Variants in GBP5 observed in about 807,000 individuals in gnomAD.
GBP5 encodes guanylate-binding protein 5.
GBP5 carries 48 observed loss-of-function variants against 58.2 expected under a neutral mutation model. That is an observed-to-expected ratio of 0.83 (90% CI 0.65 to 1.05). The LOEUF is 1.05. Ranked by LOEUF, GBP5 falls within the 50% of genes least tolerant of loss-of-function variation. GBP5 has a pLI of 0.00. For missense variants in GBP5, 714 were observed against 686.8 expected, an observed-to-expected ratio of 1.04 and a Z score of -0.44; for synonymous variants, 248 against 251.8, an observed-to-expected ratio of 0.98 and a Z score of 0.14.
chr1:89,264,014 T>C, intron 8 of GBP5, 66 bp from the exon 9 acceptor site: 1 of 983,596 alleles, frequency 1.0e-6, no homozygotes, highest in Non-Finnish European at 1.6e-6. Context: ...GAAATAATTC[T>C]GAAAAAGAAT....
intron 3 of GBP5, 93 bp downstream of exon 3, chr1:89,269,270 ATCC>A: frequency 8.2e-7 from 1 of 1,225,238 alleles, no homozygotes; most frequent in Non-Finnish European, 1.2e-6. Flanking sequence ...TTTAATATTC[ATCC>A]TCATGTCTTA....
intron 6 of GBP5, 105 bp downstream of exon 6, chr1:89,266,852 A>AATAT: frequency 3.0e-6 from 2 of 656,916 alleles, no homozygotes; most frequent in Non-Finnish European, 2.4e-6. Context: ...GAGCTGGGTG[A>AATAT]ATATATATAT....
rs1410539402 is a variant in GBP5 at position 89,257,158 on chromosome 1, G to C, written c.*3546C>G. Among the ~76,000 whole-genome samples the C allele has an allele frequency of 6.6e-6, 1 of 152,168 alleles. No homozygotes were observed. Among genetic ancestry groups the C allele is most frequent in the African/African-American group, 2.4e-5 (1 of 41,424 alleles). On this transcript the variant is annotated 3_prime_UTR_variant, in exon 12 of 12. Coordinates refer to ENST00000370459, the MANE Select transcript of GBP5 (RefSeq NM_052942.5). The stretch of plus-strand genomic sequence containing the variant: ...AGACTGGGTAATTTATAAAGGAAAA[G>C]AGATGTAATGGACTTGTAGTTTCAC...
intron 6 of GBP5, among the ~76,000 whole-genome samples, 178 bp downstream of exon 6, chr1:89,266,779 C>T (rs1016553984): frequency 2.0e-5 from 3 of 151,818 alleles, no homozygotes; most frequent in African/African-American, 7.3e-5. Context: ...GAGGAAAATG[C>T]AATTTAATAT....
In GBP5 at chr1:89,272,771, G is replaced by A. The variant is rs1650513028; in HGVS notation, c.-447C>T. 1 of 152,892 alleles carries A rather than the reference G, an allele frequency of 6.5e-6. No homozygotes were observed. The highest frequency in any genetic ancestry group is 2.4e-5 in the African/African-American group (1 of 41,454). The allele number at this position is 152,892 out of a possible 1,614,324, so 9.5% of individuals were successfully genotyped here. On this transcript the variant is annotated 5_prime_UTR_variant, in exon 1 of 12. Transcript: ENST00000370459. ...CCCAGTGAGTGTTACAGCTCATAAA[G>A]GCAGTGTGGACCCAAAGAGTGAGCA...
At chr1:89,262,620 G>T in intron 10 of GBP5, 63 bp downstream of exon 10, 2 of 1,239,382 alleles carry the variant, frequency 1.6e-6, no homozygotes, top group Non-Finnish European at 2.3e-6. Flanking sequence ...TGAGGGCCAG[G>T]CCAAATTTAT....
chr1:89,259,274 G>A lies in GBP5; in HGVS notation c.*1430C>T, dbSNP rs943303982. The A allele has an allele frequency of 6.6e-6, 1 of 152,156 alleles. No individual in the cohort carries two copies. The allele number at this position is 152,156 out of a possible 1,614,324, so 9.4% of individuals were successfully genotyped here. On this transcript the variant is annotated 3_prime_UTR_variant, in exon 12 of 12. Transcript: ENST00000370459. ...GCTCTTGGTGAGGGTGAACAGAAAA[G>A]AAAAGGCTTCTTCTTTAGCCCTTAA... is the stretch of plus-strand genomic sequence containing the variant.
chr1:89,269,455 A>G lies in GBP5; in HGVS notation c.101T>C (p.Ile34Thr). 6.2e-7 allele frequency: 1 copy of G among 1,614,138 alleles called. No homozygotes were observed. The highest frequency in any genetic ancestry group is 8.5e-7 in the Non-Finnish European group (1 of 1,179,984). Residue 34 changes from isoleucine to threonine, a missense_variant, in exon 3 of 12, where the codon ATT becomes ACT. Coordinates refer to ENST00000370459, the MANE Select transcript of GBP5 (RefSeq NM_052942.5). ...NQEALEILSA[I>T]TQPVVVVAIV... ...CGCTACCACAACTACAGGTTGCGTA[A>G]TGGCAGACAGGATCTCCAAAGCTTC...
chr1:89,262,083 G>A, intron 11 of GBP5, 137 bp downstream of exon 11: 1 of 770,532 alleles, frequency 1.3e-6, no homozygotes, highest in Non-Finnish European at 2.2e-6. Context: ...AAGAGGTGGA[G>A]CTTGGATTCA....
Position 89,263,831 on chromosome 1 carries a change from C to T in GBP5, c.1267G>A (p.Gly423Arg), listed in dbSNP as rs1650105349. Residue 423 changes from glycine to arginine, a missense_variant, in exon 9 of 12, where the codon GGA becomes AGA. Coordinates refer to ENST00000370459, the MANE Select transcript of GBP5 (RefSeq NM_052942.5). Reference sequence around the variant, plus strand: ...TGGCCTCCTGGCTTAGAATAAATTCCCTGCTTCACTGCTTCTTCTAGAGGA... The same window carrying T: ...TGGCCTCCTGGCTTAGAATAAATTCTCTGCTTCACTGCTTCTTCTAGAGGA... ...FGPLEEAVKQ[G>R]IYSKPGGHNL... 1 of 1,613,196 alleles carries T rather than the reference C, an allele frequency of 6.2e-7. No individual in the cohort carries two copies. The highest frequency in any genetic ancestry group is 1.3e-5 in the African/African-American group (1 of 74,680).
chr1:89,264,925 T>C lies in GBP5; in HGVS notation c.910A>G (p.Ser304Gly). The C allele has an allele frequency of 1.9e-6, 3 of 1,614,228 alleles. No individual in the cohort carries two copies. In the South Asian group the frequency reaches 3.3e-5, roughly 18 times the overall value. ...TTCTCTATGCAAGGCAGATCCCCACTGCTGATGGCATTGACATAGGTCAGC... is the reference window on the plus strand; with the variant it reads ...TTCTCTATGCAAGGCAGATCCCCACCGCTGATGGCATTGACATAGGTCAGC... ...LVLTYVNAIS[S>G]GDLPCIENAV... The change falls in exon 8 of 12, where the codon AGT becomes GGT. Residue 304 changes from serine to glycine, a missense_variant. Physicochemically the swap from Ser to Gly is moderately conservative, Grantham distance 56 (BLOSUM62 0). Coordinates refer to ENST00000370459, the MANE Select transcript of GBP5 (RefSeq NM_052942.5).
rs1466094912 is a variant in GBP5, at chr1:89,262,675, C to G, written c.1465+8G>C. On this transcript the variant is annotated splice_region_variant and intron_variant, in intron 10 of 11. Coordinates refer to ENST00000370459, the MANE Select transcript of GBP5 (RefSeq NM_052942.5). ...TTCTATCTTGCATAATTTCCACTTTCTTCTCACCTTTCTTCTTTTTTTCCG... is the reference window on the plus strand; with the variant it reads ...TTCTATCTTGCATAATTTCCACTTTGTTCTCACCTTTCTTCTTTTTTTCCG... The G allele has an allele frequency of 2.6e-6, 4 of 1,567,778 alleles. No individual in the cohort carries two copies. The African/African-American group carries it at 5.4e-5, about 21-fold the overall frequency.
chr1:89,260,804 T>C lies in GBP5; in HGVS notation c.1661A>G (p.Gln554Arg), dbSNP rs745533134. Residue 554 changes from glutamine to arginine, a missense_variant, in exon 12 of 12, where the codon CAG becomes CGG. Transcript: ENST00000370459. ...TTGAGCTTGGAATGTTGTGCTGAGC[T>C]GTGCAGCCTGTTCCTAAAGAGTGAT... ...QEQQMQEQAA[Q>R]LSTTFQAQNR... 2 of 1,613,374 alleles carry C rather than the reference T, an allele frequency of 1.2e-6. No individual in the cohort carries two copies. Among genetic ancestry groups the C allele is most frequent in the South Asian group, 1.1e-5 (1 of 91,070 alleles).
At chr1:89,268,966 G>T in intron 3 of GBP5, 110 bp from the exon 4 acceptor site, 1 of 1,054,486 alleles carries the variant, frequency 9.5e-7, no homozygotes, top group Non-Finnish European at 1.4e-6. Flanking sequence ...ATAGCAGAAT[G>T]TACAACCAGT....
Position 89,269,353 on chromosome 1 carries a change from T to G in GBP5, c.190+13A>C, listed in dbSNP as rs371618962. ...ACAGAAGGGTTTGGCAGAGCTTTGC[T>G]GGTACCACTCACCCTTGTTCTTCCC... is the stretch of plus-strand genomic sequence containing the variant. On this transcript the variant is annotated intron_variant, in intron 3 of 11. Transcript: ENST00000370459. 4 of 1,613,242 alleles carry G rather than the reference T, an allele frequency of 2.5e-6. No homozygotes were observed. In the African/African-American group the frequency reaches 5.3e-5, roughly 22 times the overall value.
At chr1:89,268,907 G>C in intron 3 of GBP5, 51 bp from the exon 4 acceptor site, 1 of 1,585,612 alleles carries the variant, frequency 6.3e-7, no homozygotes, top group Non-Finnish European at 8.6e-7. Flanking sequence ...TGGAAATTGG[G>C]GATTTGCTTG....
At chr1:89,267,196 C>A in intron 5 of GBP5, 43 bp from the exon 6 acceptor site, 1 of 1,473,270 alleles carries the variant, frequency 6.8e-7, no homozygotes, top group Non-Finnish European at 9.2e-7. Context: ...AGGACCACAT[C>A]TAAACCCATA....
At position 89,270,750 on chromosome 1, in the gene GBP5, A is replaced by T. The variant is rs1650413692; in HGVS notation, c.-20+5T>A. ...TCTAATCTATTTTCAATGTAGTATT[A>T]GTACCTTATATATGTAGAATTCTGG... On this transcript the variant is annotated splice_donor_5th_base_variant and intron_variant, in intron 2 of 11. Coordinates refer to ENST00000370459, the MANE Select transcript of GBP5 (RefSeq NM_052942.5). 6.6e-6 allele frequency: 1 copy of T among 152,226 alleles called. No homozygotes were observed. The highest frequency in any genetic ancestry group is 6.5e-5 in the Admixed American group (1 of 15,280). 9.4% of individuals were successfully genotyped at this position (152,226 alleles called of 1,614,324 possible). A position where few individuals can be genotyped will look rare whatever the true frequency, so the allele number is the denominator to read the frequency against.
At chr1:89,266,846 T>C (rs904666372) in intron 6 of GBP5, 111 bp downstream of exon 6, 14 of 685,428 alleles carry the variant, frequency 2.0e-5, no homozygotes, top group Non-Finnish European at 2.8e-5. Context: ...TTAGGAGAGC[T>C]GGGTGAATAT....
Sources: gnomAD v4.1 joint callset for allele counts (sites outside exome capture counted in the v4.1 genomes callset) on GRCh38, gnomAD v4.1.1 for gene constraint, MANE v1.5 for transcripts, NCBI Gene and HGNC (gene_info 2026-07-23, HGNC 2026-07-21) for gene names.